Variants in HPN observed in about 807,000 individuals in gnomAD.
HPN encodes the protein serine protease hepsin.
HPN carries 13 observed loss-of-function variants against 55.9 expected under a neutral mutation model. That is an observed-to-expected ratio of 0.23 (90% confidence interval 0.15 to 0.37). The LOEUF is 0.37. Among genes scored for constraint, HPN ranks in the 10% least tolerant of loss-of-function variants. The probability of loss-of-function intolerance (pLI) is 1.00; values close to 1 mark genes in which losing one functional copy is unlikely to be tolerated. For missense variants in HPN, 451 were observed against 575.8 expected (o/e 0.78, Z 2.22); for synonymous variants, 225 against 240.3 (o/e 0.94, Z 0.59).
chr19:35,048,053 A>AAAGC (rs2064361889), intron 2 of HPN, among the ~76,000 whole-genome samples: 1 of 53,028 alleles, frequency 1.9e-5, no homozygotes, highest in Non-Finnish European at 3.3e-5. Context: ...AGAAAGAAAG[A>AAAGC]AAGAAAGAAA....
chr19:35,060,310 C>A (rs1309628616), intron 7 of HPN, 37 bp from the exon 8 acceptor site: 2 of 1,606,116 alleles, frequency 1.2e-6, no homozygotes, highest in South Asian at 2.2e-5. Context: ...GGGCTCCAGT[C>A]CCCTGTCGCC....
chr19:35,042,172 T>C (rs2064300716), intron 1 of HPN: 2 of 1,197,912 alleles, frequency 1.7e-6, no homozygotes, highest in East Asian at 5.6e-5. Context: ...TGATTTCAGG[T>C]CCTCAGCTGT....
Position 35,060,768 on chromosome 19 carries a change from C to A in HPN, c.762C>A (p.Asn254Lys). The change falls in exon 9 of 13, where the codon AAC (asparagine) becomes AAA (lysine). Residue 254 changes from asparagine (N) to lysine (K), a missense_variant. Around this residue, in one of 2 missense-constraint regions of HPN, gnomAD observed 378 missense variants for 445.5 expected, o/e 0.85. Coordinates refer to ENST00000672452, the MANE Select transcript of HPN (RefSeq NM_001384133.1). ...TTCGGGACCCCAACAGCGAGGAGAA[C>A]AGCAACGATATTGCCCTGGTCCACC... ...LPFRDPNSEE[N>K]SNDIALVHLS... is the part of the protein sequence containing the mutation. The A allele has an allele frequency of 1.2e-6, 2 of 1,611,322 alleles. No individual in the cohort carries two copies. Among genetic ancestry groups the A allele is most frequent in the Non-Finnish European group, 8.5e-7 (1 of 1,178,618 alleles).
In HPN at chr19:35,066,506, C is replaced by G. The variant is rs1052450491; in HGVS notation, c.*219C>G. 7 of 590,842 alleles carry G rather than the reference C, an allele frequency of 1.2e-5. No individual in the cohort carries two copies. The highest frequency in any genetic ancestry group is 2.1e-5 in the Non-Finnish European group (7 of 337,514). 36.6% of individuals were successfully genotyped at this position (590,842 alleles called of 1,614,324 possible). On this transcript the variant is annotated 3_prime_UTR_variant, in exon 13 of 13. Coordinates refer to ENST00000672452, the MANE Select transcript of HPN (RefSeq NM_001384133.1). The stretch of plus-strand genomic sequence containing the variant: ...CCCCATGTAAATATTGTTCTGCTGT[C>G]TGGGACTCCTGTCTAGGTGCCCCTG...
At chr19:35,050,914 C>CTTTTTTTTTTTTTTTTTTTTTTTTTTTT (rs5827917) in intron 4 of HPN, among the ~76,000 whole-genome samples, 13 of 90,442 alleles carry the variant, frequency 1.4e-4, no homozygotes, top group African/African-American at 3.1e-4. Context: ...TTCTTTCTTT[C>CTTTTTTTTTTTTTTTTTTTTTTTTTTTT]TTTTTTTTTT....
rs199986459 is a variant in HPN at position 35,066,324 on chromosome 19, G to C, written c.*37G>C. 8.3e-5 allele frequency: 133 copies of C among 1,593,340 alleles called. No individual in the cohort carries two copies. In the Admixed American group the frequency reaches 8.4e-4, roughly 10 times the overall value. On this transcript the variant is annotated 3_prime_UTR_variant, in exon 13 of 13. Coordinates refer to ENST00000672452, the MANE Select transcript of HPN (RefSeq NM_001384133.1). Reference sequence around the variant, plus strand: ...TCGCTGCGCAGCCTCCAGGGCCCGAGGTGATCCCGGTGGTGGGATCCACGC... The same window carrying C: ...TCGCTGCGCAGCCTCCAGGGCCCGACGTGATCCCGGTGGTGGGATCCACGC...
At chr19:35,047,263 G>A (rs1251061441) in intron 2 of HPN, among the ~76,000 whole-genome samples, 1 of 152,354 alleles carries the variant, frequency 6.6e-6, no homozygotes, top group South Asian at 2.1e-4. Context: ...TGGCCATCTC[G>A]ATGGCCTCTC....
At chr19:35,065,189 A>AGAGGTTTGTACCAGGTGGGGC in intron 9 of HPN, 61 bp from the exon 10 acceptor site, 6 of 1,180,528 alleles carry the variant, frequency 5.1e-6, no homozygotes, top group Non-Finnish European at 7.4e-6. Flanking sequence ...GCAGCTGGAC[A>AGAGGTTTGTACCAGGTGGGGC]GAGGTTTGTA....
rs1252151371 is a variant in HPN at position 35,059,674 on chromosome 19, G to A, written c.162G>A (p.Val54=). ...LRSDQEPLYP[V]QVSSADARLM... Reference sequence around the variant, plus strand: ...GCCCCGGGCCCTGTCGCCCTGCAGTGCAGGTCAGCTCTGCGGACGCTCGGC... The same window carrying A: ...GCCCCGGGCCCTGTCGCCCTGCAGTACAGGTCAGCTCTGCGGACGCTCGGC... The change falls in exon 5 of 13, where the codon GTG becomes GTA. Residue 54 remains valine, a splice_region_variant and synonymous_variant. Transcript: ENST00000672452. 6.3e-7 allele frequency: 1 copy of A among 1,596,002 alleles called. No individual in the cohort carries two copies. Among genetic ancestry groups the A allele is most frequent in the African/African-American group, 1.3e-5 (1 of 74,850 alleles).
chr19:35,047,512 T>C (rs1368594506), intron 2 of HPN, among the ~76,000 whole-genome samples: 3 of 152,338 alleles, frequency 2.0e-5, no homozygotes, highest in Middle Eastern at 6.8e-3. Context: ...CTGGAAATTA[T>C]TGGGTTCATT....
intron 4 of HPN, among the ~76,000 whole-genome samples, chr19:35,056,353 G>T (rs553274507): frequency 6.6e-5 from 10 of 152,200 alleles, no homozygotes; most frequent in African/African-American, 2.4e-4. Context: ...CAGGGGTCGG[G>T]GTTTTTGTCT....
rs564354913 is a variant in HPN at position 35,044,738 on chromosome 19, C to G, written c.16+2216C>G. On this transcript the variant is annotated intron_variant, in intron 2 of 12. Coordinates refer to ENST00000672452, the MANE Select transcript of HPN (RefSeq NM_001384133.1). ...GGGCTGGAAATGCCAGGCTGAGGGA[C>G]TTAAGCTGTCTGGGGGGTACTAGGG... Among the ~76,000 whole-genome samples the G allele has an allele frequency of 3.3e-5, 5 of 152,242 alleles. No homozygotes were observed. In the South Asian group the frequency reaches 1.0e-3, roughly 32 times the overall value.
At chr19:35,048,777 G>C (rs1037214214) in intron 2 of HPN, among the ~76,000 whole-genome samples, 20 of 152,132 alleles carry the variant, frequency 1.3e-4, no homozygotes, top group African/African-American at 4.8e-4. Context: ...TTTTCAAGTG[G>C]AGGGGCAAAT....
intron 1 of HPN, chr19:35,042,168 C>A: frequency 3.4e-6 from 4 of 1,192,710 alleles, no homozygotes; most frequent in Non-Finnish European, 4.2e-6. Flanking sequence ...CTTATGATTT[C>A]AGGTCCTCAG....
chr19:35,061,263 C>T (rs192967678), intron 9 of HPN, among the ~76,000 whole-genome samples: 56 of 151,542 alleles, frequency 3.7e-4, no homozygotes, highest in African/African-American at 9.7e-4. Flanking sequence ...TTTGGGAGGC[C>T]GAGGTGGGTG....
At chr19:35,046,148 G>A (rs2064339590) in intron 2 of HPN, among the ~76,000 whole-genome samples, 1 of 152,236 alleles carries the variant, frequency 6.6e-6, no homozygotes, top group South Asian at 2.1e-4. Flanking sequence ...AGGACAGGCA[G>A]GGGTCAGCCG....
At chr19:35,055,865 C>T (rs961294828) in intron 4 of HPN, among the ~76,000 whole-genome samples, 21 of 152,328 alleles carry the variant, frequency 1.4e-4, no homozygotes, top group Non-Finnish European at 2.8e-4. Flanking sequence ...TGGTTCCCCA[C>T]TTGCAGCCAG....
intron 9 of HPN, among the ~76,000 whole-genome samples, chr19:35,064,057 ACT>A (rs1464131744): frequency 5.9e-5 from 9 of 152,150 alleles, no homozygotes; most frequent in Non-Finnish European, 2.9e-5. Context: ...CAACTCAATG[ACT>A]CACCAATTTC....
At chr19:35,059,142 T>C (rs1471716268) in intron 4 of HPN, 1 of 187,664 alleles carries the variant, frequency 5.3e-6, no homozygotes. Flanking sequence ...AGGCTGCTGT[T>C]GATTGGTCCG....
Sources: gnomAD v4.1 joint callset for allele counts (sites outside exome capture counted in the v4.1 genomes callset) on GRCh38, gnomAD v4.1.1 for gene constraint, gnomAD v4.1.1 regional missense constraint, MANE v1.5 for transcripts, NCBI Gene and HGNC (gene_info 2026-07-23, HGNC 2026-07-21) for gene names.